KCTD16: variants seen among roughly 807,000 people sequenced by gnomAD.
KCTD16 encodes potassium channel tetramerization domain containing 16, also known as BTB/POZ domain-containing protein KCTD16.
In KCTD16, 13 loss-of-function variants were observed where a neutral mutation model predicts 33.2. The ratio of observed to expected loss-of-function variants is 0.39; its 90% CI spans 0.25 to 0.62. The LOEUF (loss-of-function observed/expected upper bound fraction) is 0.62. Among genes scored for constraint, KCTD16 ranks in the 20% least tolerant of loss-of-function variants. The pLI is 0.50. For synonymous variants in KCTD16, 197 were observed against 195.3 expected (o/e 1.01, Z -0.07); for missense variants, 441 against 525.1 (o/e 0.84, Z 1.57).
At chr5:144,252,646 A>T (rs780006445) in intron 3 of KCTD16, among the ~76,000 whole-genome samples, 1 of 151,672 alleles carries the variant, frequency 6.6e-6, no homozygotes, top group Non-Finnish European at 1.5e-5. Context: ...CCAGATCACT[A>T]AGAATCATTC....
At chr5:144,453,239 C>T (rs149828373) in intron 3 of KCTD16, among the ~76,000 whole-genome samples, 4 of 152,194 alleles carry the variant, frequency 2.6e-5, no homozygotes, top group East Asian at 1.9e-4. Context: ...TCCCCTTGGT[C>T]GCCTCTGACA....
intron 3 of KCTD16, among the ~76,000 whole-genome samples, chr5:144,331,891 A>G (rs189330418): frequency 2.9e-4 from 44 of 152,322 alleles, no homozygotes; most frequent in African/African-American, 1.1e-3. Flanking sequence ...AGTAAGTAAG[A>G]AAGCTCCTTT....
chr5:144,235,777 T>C (rs974790194), intron 3 of KCTD16, among the ~76,000 whole-genome samples: 4 of 152,088 alleles, frequency 2.6e-5, no homozygotes, highest in African/African-American at 9.7e-5. Context: ...TTCATGCCCA[T>C]GGAAATAAGG....
chr5:144,213,084 A>T (rs576682121), intron 3 of KCTD16, among the ~76,000 whole-genome samples: 46 of 152,256 alleles, frequency 3.0e-4, no homozygotes, highest in Middle Eastern at 6.8e-3. Flanking sequence ...CCATTATAAC[A>T]TACAAAATTA....
intron 3 of KCTD16, among the ~76,000 whole-genome samples, chr5:144,375,158 T>C (rs1752062229): frequency 6.6e-6 from 1 of 152,146 alleles, no homozygotes; most frequent in African/African-American, 2.4e-5. Context: ...CAGGACATGG[T>C]CTTCTGTGCT....
chr5:144,199,181 C>T (rs1752993972), intron 2 of KCTD16, among the ~76,000 whole-genome samples: 1 of 151,990 alleles, frequency 6.6e-6, no homozygotes, highest in Admixed American at 6.6e-5. Flanking sequence ...GATTTCATTC[C>T]ACTTGTATCT....
chr5:144,381,860 C>A (rs1554091291), intron 3 of KCTD16, among the ~76,000 whole-genome samples: 2 of 152,178 alleles, frequency 1.3e-5, no homozygotes, highest in African/African-American at 2.4e-5. Flanking sequence ...TTTGACCCAG[C>A]AATTCCATTA....
At chr5:144,471,542 T>A (rs929364294) in intron 3 of KCTD16, among the ~76,000 whole-genome samples, 12 of 152,202 alleles carry the variant, frequency 7.9e-5, no homozygotes, top group African/African-American at 2.9e-4. Flanking sequence ...GCGCAATTCA[T>A]TGGAACCATT....
chr5:144,196,231 A>G (rs1321071408), intron 2 of KCTD16, among the ~76,000 whole-genome samples: 2 of 152,118 alleles, frequency 1.3e-5, no homozygotes, highest in Non-Finnish European at 2.9e-5. Flanking sequence ...CTGATTGGCC[A>G]GTGGCTCTGC....
chr5:144,400,892 G>C (rs1280067486), intron 3 of KCTD16, among the ~76,000 whole-genome samples: 1 of 152,140 alleles, frequency 6.6e-6, no homozygotes, highest in African/African-American at 2.4e-5. Context: ...GCTGAAGGAA[G>C]AGCATTTCCA....
At chr5:144,331,333 G>T (rs29897) in intron 3 of KCTD16, among the ~76,000 whole-genome samples, 38,607 of 152,022 alleles carry the variant, frequency 0.25, 5,134 homozygotes, top group Non-Finnish European at 0.3. Flanking sequence ...TACAGGACTG[G>T]CCATTTCAGT....
In KCTD16 at chr5:144,450,872, T is replaced by G. The variant is rs532344485; in HGVS notation, c.833-22788T>G. Among the ~76,000 whole-genome samples the G allele has an allele frequency of 2.6e-5, 4 of 152,236 alleles. No individual in the cohort carries two copies. In the South Asian group the frequency reaches 8.3e-4, roughly 32 times the overall value. ...AAATGAAAAAGTTATAGAGATCTAA[T>G]GTACAGCATAATGCCTATAATTACC... On this transcript the variant is annotated intron_variant, in intron 3 of 3. Transcript: ENST00000512467.
intron 2 of KCTD16, among the ~76,000 whole-genome samples, chr5:144,186,943 T>G (rs2126777342): frequency 6.6e-6 from 1 of 152,258 alleles, no homozygotes; most frequent in South Asian, 2.1e-4. Context: ...TGGGATATAA[T>G]AATGAACAAA....
At chr5:144,237,274 T>G (rs556996429) in intron 3 of KCTD16, among the ~76,000 whole-genome samples, 1 of 152,206 alleles carries the variant, frequency 6.6e-6, no homozygotes, top group South Asian at 2.1e-4. Context: ...TCTCATCCCA[T>G]TAAAGAACAG....
intron 3 of KCTD16, among the ~76,000 whole-genome samples, chr5:144,369,113 G>T (rs1008364194): frequency 6.6e-6 from 1 of 152,090 alleles, no homozygotes; most frequent in Admixed American, 6.5e-5. Flanking sequence ...AAAGGAGCCA[G>T]ACAGCAGCTC....
intron 1 of KCTD16, among the ~76,000 whole-genome samples, chr5:144,171,415 G>A (rs1413679924): frequency 6.6e-6 from 1 of 152,164 alleles, no homozygotes; most frequent in Admixed American, 6.5e-5. Flanking sequence ...CAAGATCTGG[G>A]AAGCATGGTC....
At chr5:144,221,565 G>T (rs1432346063) in intron 3 of KCTD16, among the ~76,000 whole-genome samples, 3 of 152,144 alleles carry the variant, frequency 2.0e-5, no homozygotes, top group African/African-American at 7.2e-5. Flanking sequence ...ATGGTTTCCA[G>T]CTTCATCCGT....
chr5:144,254,177 G>A (rs1045079324), intron 3 of KCTD16, among the ~76,000 whole-genome samples: 2 of 151,150 alleles, frequency 1.3e-5, no homozygotes, highest in African/African-American at 2.4e-5. Flanking sequence ...TCGCTCTGTC[G>A]CCCAGGCTGT....
chr5:144,345,407 T>C (rs1752769784), intron 3 of KCTD16, among the ~76,000 whole-genome samples: 1 of 152,182 alleles, frequency 6.6e-6, no homozygotes, highest in Non-Finnish European at 1.5e-5. Context: ...ACATGCATGT[T>C]ACACAAGTTT....
Sources: gnomAD v4.1 joint callset for allele counts (sites outside exome capture counted in the v4.1 genomes callset) on GRCh38, gnomAD v4.1.1 for gene constraint, MANE v1.5 for transcripts, NCBI Gene and HGNC (gene_info 2026-07-23, HGNC 2026-07-21) for gene names.